The following FSIP1 variants were observed in gnomAD, a reference collection of about 807,000 sequenced individuals.
FSIP1 encodes the protein fibrous sheath interacting protein 1, also known as fibrous sheath-interacting protein 1.
In FSIP1, 65 loss-of-function variants were observed where a neutral mutation model predicts 60.9. The observed-to-expected ratio is 1.07, with a 90% CI of 0.87 to 1.31. The LOEUF is 1.31. FSIP1 is among the 40% of genes most tolerant of loss of function. The pLI, the probability that FSIP1 is intolerant of heterozygous loss-of-function variation, is 0.00. For missense variants in FSIP1, 675 were observed against 665.5 expected (o/e 1.01, Z -0.16); for synonymous variants, 209 against 221.2 (o/e 0.94, Z 0.49).
At chr15:39,633,368 G>A (rs1891991127) in intron 10 of FSIP1, among the ~76,000 whole-genome samples, 1 of 152,062 alleles carries the variant, frequency 6.6e-6, no homozygotes, top group African/African-American at 2.4e-5. Context: ...GATTACAGGT[G>A]TGAGCCACTG....
At chr15:39,613,652 G>GAA (rs57218875) in intron 11 of FSIP1, among the ~76,000 whole-genome samples, 4 of 151,338 alleles carry the variant, frequency 2.6e-5, no homozygotes, top group African/African-American at 9.7e-5. Flanking sequence ...AATACCACAA[G>GAA]AAAAAAAAAT....
At chr15:39,624,713 G>C (rs1426874152) in intron 10 of FSIP1, among the ~76,000 whole-genome samples, 1 of 152,130 alleles carries the variant, frequency 6.6e-6, no homozygotes. Context: ...AGTCCGGCAG[G>C]TAGACTGCTC....
chr15:39,677,865 G>A (rs1344039146), intron 10 of FSIP1, among the ~76,000 whole-genome samples: 1 of 151,980 alleles, frequency 6.6e-6, no homozygotes, highest in Non-Finnish European at 1.5e-5. Flanking sequence ...GTGTGGTGGT[G>A]TATGCCTGTA....
At chr15:39,610,196 C>A (rs1485520614) in intron 11 of FSIP1, among the ~76,000 whole-genome samples, 5 of 152,070 alleles carry the variant, frequency 3.3e-5, no homozygotes, top group Admixed American at 6.5e-5. Flanking sequence ...AGAAAACTAA[C>A]TTTCTTATAA....
At chr15:39,633,148 T>C (rs1891978750) in intron 10 of FSIP1, among the ~76,000 whole-genome samples, 1 of 142,288 alleles carries the variant, frequency 7.0e-6, no homozygotes, top group African/African-American at 2.7e-5. Context: ...TGGAGTGCAG[T>C]GGTGCGATCT....
rs577250598 is a variant in FSIP1, at chr15:39,714,486, A to G, written c.1051-905T>C. Among the ~76,000 whole-genome samples, 563 of 150,596 alleles carry G rather than the reference A, an allele frequency of 3.7e-3. 1 individual carries two copies. The highest frequency in any genetic ancestry group is 6.1e-3 in the Non-Finnish European group (410 of 67,738). ...CATTCCTTACATAGAGATGGTCACC[A>G]GGAATACTATCTAGTTGCCAATCCC... On this transcript the variant is annotated intron_variant, in intron 9 of 11. Coordinates refer to ENST00000350221, the MANE Select transcript of FSIP1 (RefSeq NM_152597.5).
chr15:39,623,831 T>A (rs1300681274), intron 10 of FSIP1, among the ~76,000 whole-genome samples: 1 of 152,156 alleles, frequency 6.6e-6, no homozygotes, highest in Non-Finnish European at 1.5e-5. Flanking sequence ...TGGGTCCATG[T>A]CATCTCTTCA....
intron 10 of FSIP1, among the ~76,000 whole-genome samples, chr15:39,674,089 C>T (rs979448674): frequency 1.3e-5 from 2 of 151,160 alleles, no homozygotes; most frequent in Non-Finnish European, 2.9e-5. Context: ...GAGTCTCGCT[C>T]TGTCGCCCAG....
chr15:39,644,051 T>C (rs1166385448), intron 10 of FSIP1, among the ~76,000 whole-genome samples: 1 of 152,256 alleles, frequency 6.6e-6, no homozygotes, highest in East Asian at 1.9e-4. Flanking sequence ...TAATTTTCCT[T>C]AGCTGAAACT....
At chr15:39,727,166 G>A (rs766981049) in intron 8 of FSIP1, among the ~76,000 whole-genome samples, 3 of 152,198 alleles carry the variant, frequency 2.0e-5, no homozygotes, top group African/African-American at 4.8e-5. Context: ...AAAATCAGTT[G>A]CTTGGGTTTC....
rs1828467224 is a variant in FSIP1 at position 39,675,406 on chromosome 15, T to TGTAGAGCAGATACATGTA, written c.1188+38037_1188+38038insTACATGTATCTGCTCTAC. Among the ~76,000 whole-genome samples the TGTAGAGCAGATACATGTA allele has an allele frequency of 2.0e-5, 3 of 152,184 alleles. No homozygotes were observed. The South Asian group carries it at 6.2e-4, about 31-fold the overall frequency. On this transcript the variant is annotated intron_variant, in intron 10 of 11. Transcript: ENST00000350221. Reference sequence around the variant, plus strand: ...CAGATAACATGTACAAGAATGTTTATCACAGTAGCATTCATAACGAAAATC... The same window carrying TGTAGAGCAGATACATGTA: ...CAGATAACATGTACAAGAATGTTTATGTAGAGCAGATACATGTACACAGTAGCATTCATAACGAAAATC...
At chr15:39,613,166 T>C (rs1392473692) in intron 11 of FSIP1, among the ~76,000 whole-genome samples, 1 of 152,186 alleles carries the variant, frequency 6.6e-6, no homozygotes, top group East Asian at 1.9e-4. Flanking sequence ...AAATTTACAT[T>C]TGTTGTGCGA....
At position 39,738,085 on chromosome 15, in the gene FSIP1, A is replaced by T; in HGVS notation, c.891+6T>A. On this transcript the variant is annotated splice_donor_region_variant and intron_variant, in intron 8 of 11. Transcript: ENST00000350221. ...AGTGTAGTGTTCCCTATCAGAGTTT[A>T]CGTACCTCAGAACTGGAGAGCCCGG... 6.5e-7 allele frequency: 1 copy of T among 1,548,576 alleles called. No individual in the cohort carries two copies. The highest frequency in any genetic ancestry group is 8.9e-7 in the Non-Finnish European group (1 of 1,125,550).
At position 39,626,777 on chromosome 15, in the gene FSIP1, T is replaced by C. The variant is rs190785919; in HGVS notation, c.1189-8532A>G. Among the ~76,000 whole-genome samples, 150 of 150,980 alleles carry C rather than the reference T, an allele frequency of 9.9e-4. 1 individual carries two copies. Among genetic ancestry groups the C allele is most frequent in the African/African-American group, 3.7e-3 (150 of 40,896 alleles). ...TTCGGAACTGGGAGTCAATTAAACC[T>C]CTTTTCTTTATAAATTACGTAGTAT... is the stretch of plus-strand genomic sequence containing the variant. On this transcript the variant is annotated intron_variant, in intron 10 of 11. Transcript: ENST00000350221.
chr15:39,676,709 C>A (rs1328183579), intron 10 of FSIP1, among the ~76,000 whole-genome samples: 1 of 152,194 alleles, frequency 6.6e-6, no homozygotes, highest in Non-Finnish European at 1.5e-5. Context: ...GATGTAGCCA[C>A]TCAGCCTATT....
At chr15:39,711,239 A>T (rs1895492951) in intron 10 of FSIP1, among the ~76,000 whole-genome samples, 1 of 152,146 alleles carries the variant, frequency 6.6e-6, no homozygotes, top group Non-Finnish European at 1.5e-5. Context: ...GGTGCCTAGT[A>T]AGGGCCCATT....
rs112954305 is a variant in FSIP1 at position 39,617,803 on chromosome 15, C to T, written c.1631G>A (p.Gly544Asp). The change falls in exon 11 of 12, where the codon GGT (glycine) becomes GAT (aspartate). Residue 544 changes from glycine (G) to aspartate (D), a missense_variant. By Grantham distance (94) the Gly-to-Asp change is moderately conservative (BLOSUM62 -1). Coordinates refer to ENST00000350221, the MANE Select transcript of FSIP1 (RefSeq NM_152597.5). ...TTCTGATGAAAGGCTCACACTGATACCATACAGTGGATCATCTAAGAAGGA... is the reference window on the plus strand; with the variant it reads ...TTCTGATGAAAGGCTCACACTGATATCATACAGTGGATCATCTAAGAAGGA... Reference protein sequence around the residue: ...RPSFLDDPLYGISVSLSSEDQ... With the variant: ...RPSFLDDPLYDISVSLSSEDQ... 2.5e-4 allele frequency: 396 copies of T among 1,613,706 alleles called. 1 individual carries two copies. The African/African-American group carries it at 4.3e-3, about 18-fold the overall frequency.
intron 3 of FSIP1, among the ~76,000 whole-genome samples, chr15:39,766,990 G>C (rs1028545745): frequency 6.6e-6 from 1 of 152,094 alleles, no homozygotes; most frequent in African/African-American, 2.4e-5. Context: ...GACTACAGGT[G>C]CATGTCACCA....
intron 10 of FSIP1, among the ~76,000 whole-genome samples, chr15:39,653,325 C>G (rs1334962059): frequency 6.6e-6 from 1 of 152,038 alleles, no homozygotes; most frequent in Non-Finnish European, 1.5e-5. Context: ...TTTATAAACA[C>G]TGTACACTTA....
Sources: allele counts gnomAD v4.1 joint callset (sites outside exome capture counted in the v4.1 genomes callset), GRCh38; gene constraint gnomAD v4.1.1; transcripts MANE v1.5; gene names NCBI Gene and HGNC (gene_info 2026-07-23, HGNC 2026-07-21).